REPS2: variants seen among roughly 807,000 people sequenced by gnomAD.
REPS2 encodes ralBP1-associated Eps domain-containing protein 2.
In REPS2, 23 loss-of-function variants were observed where a neutral mutation model predicts 53.6. The ratio of observed to expected loss-of-function variants is 0.43; its 90% CI spans 0.31 to 0.61. REPS2 has a LOEUF of 0.61. Ranked by LOEUF, REPS2 falls within the 20% of genes least tolerant of loss-of-function variation. The probability of loss-of-function intolerance (pLI) is 0.11; values close to 1 mark genes in which losing one functional copy is unlikely to be tolerated. For missense variants in REPS2, 446 were observed against 534.9 expected, an observed-to-expected ratio of 0.83 and a Z score of 1.64; for synonymous variants, 238 against 218.6, an observed-to-expected ratio of 1.09 and a Z score of -0.78.
intron 16 of REPS2, 105 bp from the exon 17 acceptor site, chrX:17,138,751 G>A: frequency 2.3e-6 from 1 of 426,223 alleles, no homozygotes; most frequent in Non-Finnish European, 3.8e-6. Flanking sequence ...GCCCTGTGTT[G>A]TTAACCACTT....
intron 14 of REPS2, among the ~76,000 whole-genome samples, chrX:17,104,016 C>T (rs1369763261): frequency 2.7e-5 from 3 of 111,511 alleles, no homozygotes; most frequent in Non-Finnish European, 5.6e-5. Context: ...CTAGTTCACT[C>T]TTGGCTGTCC....
intron 2 of REPS2, among the ~76,000 whole-genome samples, chrX:17,016,747 ATTTTTCT>A (rs2061499620): frequency 1.3e-5 from 1 of 79,061 alleles, no homozygotes. Flanking sequence ...ATCATGAAAT[ATTTTTCT>A]TTTTTCTTTT....
intron 17 of REPS2, among the ~76,000 whole-genome samples, chrX:17,145,399 A>G (rs979195075): frequency 2.7e-5 from 3 of 111,544 alleles, no homozygotes; most frequent in African/African-American, 9.8e-5. Flanking sequence ...TTCTTACTCA[A>G]TGTTTTCTCC....
chrX:17,140,061 A>G (rs992518368), intron 17 of REPS2, among the ~76,000 whole-genome samples: 2 of 111,420 alleles, frequency 1.8e-5, no homozygotes, highest in African/African-American at 6.5e-5. Flanking sequence ...AGTATTGTCC[A>G]TTACACTTGG....
downstream of REPS2, among the ~76,000 whole-genome samples, chrX:17,154,405 G>T (rs182520229): frequency 8.9e-6 from 1 of 112,337 alleles, no homozygotes; most frequent in East Asian, 2.8e-4. Context: ...TTCCCCCAAG[G>T]AGCCCACAGT....
At chrX:17,060,668 G>T (rs889403458) in intron 8 of REPS2, among the ~76,000 whole-genome samples, 2 of 111,313 alleles carry the variant, frequency 1.8e-5, no homozygotes, top group Non-Finnish European at 3.8e-5. Flanking sequence ...CAGGTATGCT[G>T]GGGAGGCTCT....
At chrX:17,084,813 A>G (rs1221409459) in intron 13 of REPS2, among the ~76,000 whole-genome samples, 1 of 112,081 alleles carries the variant, frequency 8.9e-6, no homozygotes, top group Non-Finnish European at 1.9e-5. Flanking sequence ...TTGATTTACA[A>G]ATATTTTCCT....
chrX:17,069,944 GA>G lies in REPS2; in HGVS notation c.1288del (p.Ser430ValfsTer38). 1 of 1,126,057 alleles carries G rather than the reference GA, an allele frequency of 8.9e-7. No homozygotes were observed. The highest frequency in any genetic ancestry group is 2.4e-5 in the South Asian group (1 of 41,918). The allele number at this position is 1,126,057 out of a possible 1,213,427, so 92.8% of individuals were successfully genotyped here. On this transcript the variant is annotated frameshift_variant, in exon 11 of 18. Coordinates refer to ENST00000357277, the MANE Select transcript of REPS2 (RefSeq NM_004726.3). LOFTEE classifies it high-confidence loss of function. ...TAAAAAACAAAACACAACTAGCTTT[GA>G]AAAGTACTATCAATGAAGCCTTACC... ...DVTSDDKQAL[K>X]STINEALPKD...
At chrX:17,024,159 G>C (rs914069093) in intron 3 of REPS2, among the ~76,000 whole-genome samples, 1 of 107,549 alleles carries the variant, frequency 9.3e-6, no homozygotes, top group Non-Finnish European at 1.9e-5. Flanking sequence ...GTGTGGTGGC[G>C]CATGCCTGTA....
chrX:17,077,908 G>A (rs1265204024), intron 13 of REPS2, among the ~76,000 whole-genome samples: 10 of 112,307 alleles, frequency 8.9e-5, no homozygotes, highest in Non-Finnish European at 3.8e-5. Context: ...ATGGTTGGGT[G>A]GTTGGTGGAG....
chrX:17,001,407 G>T (rs756517837), intron 1 of REPS2, among the ~76,000 whole-genome samples: 2 of 112,311 alleles, frequency 1.8e-5, no homozygotes, highest in Non-Finnish European at 3.8e-5. Flanking sequence ...TGGTGTTCTT[G>T]CCAGAAACTT....
chrX:16,993,124 A>C (rs976758889), intron 1 of REPS2, among the ~76,000 whole-genome samples: 1 of 111,797 alleles, frequency 8.9e-6, no homozygotes, highest in Non-Finnish European at 1.9e-5. Flanking sequence ...CTGGCTCAGC[A>C]CTGTGTGTTT....
intron 14 of REPS2, among the ~76,000 whole-genome samples, chrX:17,125,235 C>T (rs1197140542): frequency 9.0e-6 from 1 of 110,861 alleles, no homozygotes; most frequent in Non-Finnish European, 1.9e-5. Context: ...GAAGATTTTG[C>T]CCAGCTGCAA....
chrX:17,069,908 T>C, intron 10 of REPS2, 32 bp from the exon 11 acceptor site: 1 of 970,491 alleles, frequency 1.0e-6, no homozygotes, highest in Non-Finnish European at 1.4e-6. Context: ...TCTTTTCTCT[T>C]TCTTTTTGCT....
intron 5 of REPS2, among the ~76,000 whole-genome samples, chrX:17,044,000 G>C (rs1602779081): frequency 8.9e-6 from 1 of 112,548 alleles, no homozygotes. Context: ...GGGGTGCGAG[G>C]CTTCTGAAGG....
intron 14 of REPS2, among the ~76,000 whole-genome samples, chrX:17,113,091 CAAAAAAAAAAAA>C (rs10567369): frequency 1.4e-3 from 19 of 13,560 alleles, no homozygotes; most frequent in African/African-American, 6.6e-3. Context: ...GACTCTGTCT[CAAAAAAAAAAAA>C]AAAAAAAAAA....
downstream of REPS2, among the ~76,000 whole-genome samples, chrX:17,154,698 C>A (rs149676581): frequency 1.8e-3 from 205 of 112,619 alleles, 7 homozygotes; most frequent in East Asian, 0.045. Flanking sequence ...GATACAATTA[C>A]CTTTCACTGA....
intron 5 of REPS2, among the ~76,000 whole-genome samples, chrX:17,038,148 G>C (rs1258437689): frequency 3.6e-5 from 4 of 112,600 alleles, no homozygotes; most frequent in African/African-American, 9.7e-5. Flanking sequence ...CAGTCAAAAG[G>C]AGGAGATAGA....
intron 8 of REPS2, among the ~76,000 whole-genome samples, chrX:17,057,345 T>C (rs1336751644): frequency 8.9e-6 from 1 of 112,238 alleles, no homozygotes; most frequent in East Asian, 2.8e-4. Flanking sequence ...TCATTTTCTG[T>C]GTTAAATAGT....
Sources: allele counts gnomAD v4.1 joint callset (sites outside exome capture counted in the v4.1 genomes callset), GRCh38; gene constraint gnomAD v4.1.1; transcripts MANE v1.5; gene names NCBI Gene and HGNC (gene_info 2026-07-23, HGNC 2026-07-21).